Variants in PDE10A observed in about 807,000 individuals in gnomAD.
PDE10A encodes cAMP and cAMP-inhibited cGMP 3',5'-cyclic phosphodiesterase 10A.
A neutral mutation model predicts 97.7 loss-of-function variants in PDE10A; 39 were observed. That is an observed-to-expected ratio of 0.40 (90% CI 0.31 to 0.52). The LOEUF is 0.52. Ranked by LOEUF, PDE10A falls within the 20% of genes least tolerant of loss-of-function variation. The pLI is 0.56. For missense variants in PDE10A, 731 were observed against 1,047.8 expected, an observed-to-expected ratio of 0.70 and a Z score of 4.17; for synonymous variants, 371 against 376.8, an observed-to-expected ratio of 0.98 and a Z score of 0.18.
intron 1 of PDE10A, among the ~76,000 whole-genome samples, chr6:165,656,320 A>T (rs564907591): frequency 1.3e-5 from 2 of 149,980 alleles, no homozygotes; most frequent in South Asian, 4.3e-4. Flanking sequence ...GAAACTAAGG[A>T]GTCAGATGTC....
chr6:165,431,375 C>T, intron 8 of PDE10A, 47 bp downstream of exon 8: 1 of 1,357,866 alleles, frequency 7.4e-7, no homozygotes, highest in Non-Finnish European at 1.0e-6. Flanking sequence ...ACTCCAAAAA[C>T]CTCTTCTCCC....
chr6:165,644,077 ACAGAGTCT>A (rs1266342785), intron 1 of PDE10A, among the ~76,000 whole-genome samples: 1 of 152,032 alleles, frequency 6.6e-6, no homozygotes. Flanking sequence ...GTTTTTTGAG[ACAGAGTCT>A]CCCTCTGTCG....
chr6:165,394,927 T>C (rs1214909676), intron 15 of PDE10A, among the ~76,000 whole-genome samples: 4 of 152,212 alleles, frequency 2.6e-5, no homozygotes, highest in Non-Finnish European at 5.9e-5. Flanking sequence ...CCTCTGTTTT[T>C]ATGAAAGCTT....
intron 20 of PDE10A, among the ~76,000 whole-genome samples, 156 bp downstream of exon 20, chr6:165,339,122 A>C (rs907530273): frequency 6.6e-6 from 1 of 152,216 alleles, no homozygotes; most frequent in Non-Finnish European, 1.5e-5. Flanking sequence ...TTGTAAGATA[A>C]ATTTCTGAAG....
At chr6:165,748,809 T>TGTGC (rs1491335510) in intron 1 of PDE10A, among the ~76,000 whole-genome samples, 4 of 69,262 alleles carry the variant, frequency 5.8e-5, no homozygotes, top group African/African-American at 3.4e-4. Flanking sequence ...GAAAGAAGTT[T>TGTGC]GTGTGTGTGT....
intron 1 of PDE10A, among the ~76,000 whole-genome samples, chr6:165,788,415 G>A (rs147362501): frequency 0.02 from 2,954 of 150,710 alleles, 105 homozygotes; most frequent in East Asian, 0.14. Flanking sequence ...TACTTGGGAG[G>A]CTGAGGCAGG....
intron 1 of PDE10A, among the ~76,000 whole-genome samples, chr6:165,799,768 T>A (rs1299667909): frequency 6.6e-6 from 1 of 152,206 alleles, no homozygotes; most frequent in Non-Finnish European, 1.5e-5. Context: ...CCTTCCTCCC[T>A]CTTTTGCAGA....
chr6:165,342,489 C>G (rs1057498060), intron 19 of PDE10A, among the ~76,000 whole-genome samples: 12 of 152,368 alleles, frequency 7.9e-5, no homozygotes, highest in Admixed American at 3.9e-4. Context: ...GATCCTCATA[C>G]AGTAAACATA....
intron 2 of PDE10A, among the ~76,000 whole-genome samples, chr6:165,520,705 T>A (rs73786628): frequency 0.11 from 17,345 of 152,180 alleles, 1,306 homozygotes; most frequent in African/African-American, 0.2. Flanking sequence ...GTCGGTCAAT[T>A]ACTGAATTCA....
intron 3 of PDE10A, among the ~76,000 whole-genome samples, chr6:165,456,681 A>G (rs925003223): frequency 2.0e-5 from 3 of 152,224 alleles, no homozygotes; most frequent in Non-Finnish European, 4.4e-5. Context: ...TGTCTGTAAA[A>G]TGCTTTCCCT....
At chr6:165,835,892 T>C (rs1270766265) in intron 1 of PDE10A, among the ~76,000 whole-genome samples, 1 of 152,126 alleles carries the variant, frequency 6.6e-6, no homozygotes, top group Non-Finnish European at 1.5e-5. Context: ...GGTCAGAAAG[T>C]CTTCCAGTAT....
intron 1 of PDE10A, among the ~76,000 whole-genome samples, chr6:165,608,681 C>T (rs1261304868): frequency 2.6e-5 from 4 of 152,092 alleles, no homozygotes; most frequent in African/African-American, 7.2e-5. Flanking sequence ...CCTGAGGAAT[C>T]GCCACACTGT....
At chr6:165,915,748 G>T (rs1292381535) in intron 1 of PDE10A, among the ~76,000 whole-genome samples, 2 of 152,244 alleles carry the variant, frequency 1.3e-5, no homozygotes, top group African/African-American at 2.4e-5. Flanking sequence ...AAGAGCCAAA[G>T]GAATGGTTAC....
rs1455365660 is a variant in PDE10A at position 165,329,782 on chromosome 6, C to A, written c.*3243G>T. On this transcript the variant is annotated 3_prime_UTR_variant, in exon 22 of 22. Transcript: ENST00000539869. ...TGAGAACGAGTCACCTGGGGCACCA[C>A]TGTAAACATCTGTACCTTCCTTTTC... The A allele has an allele frequency of 1.3e-5, 2 of 152,184 alleles. No homozygotes were observed. The highest frequency in any genetic ancestry group is 6.5e-5 in the Admixed American group (1 of 15,278). 9.4% of individuals were successfully genotyped at this position (152,184 alleles called of 1,614,324 possible).
intron 1 of PDE10A, among the ~76,000 whole-genome samples, chr6:165,818,156 A>T (rs1410172756): frequency 6.6e-6 from 1 of 152,174 alleles, no homozygotes; most frequent in Non-Finnish European, 1.5e-5. Context: ...GTTGATTGCA[A>T]GCTTTCATCT....
chr6:165,932,516 A>G lies in PDE10A; in HGVS notation c.-615+55013T>C, dbSNP rs189668991. 3.2e-3 allele frequency among the ~76,000 whole-genome samples: 481 copies of G among 152,238 alleles called. 5 individuals carry two copies. The highest frequency in any genetic ancestry group is 0.011 in the African/African-American group (465 of 41,542). ...ATGCCTAGCTAATTTTTGTATTTTT[A>G]GTAAAGACAGGGTTTCACCATATTG... On this transcript the variant is annotated intron_variant, in intron 1 of 19. Coordinates refer to the PDE10A transcript ENST00000366882.
chr6:165,410,506 G>A (rs220760), intron 13 of PDE10A, among the ~76,000 whole-genome samples: 36,159 of 151,948 alleles, frequency 0.24, 4,759 homozygotes, highest in African/African-American at 0.34. Context: ...GCATTCTGTG[G>A]TATTAGACTG....
intron 1 of PDE10A, among the ~76,000 whole-genome samples, chr6:165,967,064 A>T (rs781669135): frequency 6.6e-6 from 1 of 152,352 alleles, no homozygotes; most frequent in South Asian, 2.1e-4. Flanking sequence ...AACTACAATT[A>T]TCTGGGGTAC....
chr6:165,687,941 T>C (rs1791166876), intron 1 of PDE10A, among the ~76,000 whole-genome samples: 1 of 152,158 alleles, frequency 6.6e-6, no homozygotes, highest in East Asian at 1.9e-4. Flanking sequence ...GTGGTCACAG[T>C]GGTCAGTGGC....
Sources: gnomAD v4.1 joint callset for allele counts (sites outside exome capture counted in the v4.1 genomes callset) on GRCh38, gnomAD v4.1.1 for gene constraint, MANE v1.5 for transcripts, NCBI Gene and HGNC (gene_info 2026-07-23, HGNC 2026-07-21) for gene names.